The following NPLOC4 variants were observed in gnomAD, a reference collection of about 807,000 sequenced individuals.
NPLOC4 encodes nuclear protein localization protein 4 homolog.
NPLOC4 carries 18 observed loss-of-function variants against 80.6 expected under a neutral mutation model. That is an observed-to-expected ratio of 0.22 (90% CI 0.15 to 0.33). The LOEUF is 0.33. NPLOC4 is among the 10% of genes least tolerant of loss of function. NPLOC4 has a pLI of 1.00. For synonymous variants in NPLOC4, 313 were observed against 301.5 expected (o/e 1.04, Z -0.39); for missense variants, 540 against 786.1 (o/e 0.69, Z 3.74).
At chr17:81,593,430 C>T (rs2034804458) in intron 11 of NPLOC4, among the ~76,000 whole-genome samples, 1 of 152,096 alleles carries the variant, frequency 6.6e-6, no homozygotes, top group Non-Finnish European at 1.5e-5. Context: ...CACACCTAAA[C>T]GTATGACTTT....
chr17:81,631,295 T>C (rs958621067), intron 1 of NPLOC4, among the ~76,000 whole-genome samples: 5 of 151,326 alleles, frequency 3.3e-5, no homozygotes, highest in Non-Finnish European at 5.9e-5. Context: ...CTATAATCTG[T>C]GCACTTCAGG....
chr17:81,597,169 A>G, intron 10 of NPLOC4, 76 bp downstream of exon 10: 1 of 1,006,434 alleles, frequency 9.9e-7, no homozygotes, highest in Non-Finnish European at 1.6e-6. Context: ...CGGTGCAAAG[A>G]GACCCTGATA....
intron 2 of NPLOC4, among the ~76,000 whole-genome samples, chr17:81,627,964 T>C (rs2035838679): frequency 6.7e-6 from 1 of 148,676 alleles, no homozygotes; most frequent in African/African-American, 2.5e-5. Flanking sequence ...TGAATGAAAA[T>C]ATCCTTGGGA....
intron 13 of NPLOC4, among the ~76,000 whole-genome samples, chr17:81,569,332 G>A (rs890500796): frequency 6.6e-6 from 1 of 152,174 alleles, no homozygotes; most frequent in Non-Finnish European, 1.5e-5. Context: ...CACCATATCC[G>A]GGCAGCCTCC....
At chr17:81,565,963 T>C (rs2033999244) in intron 15 of NPLOC4, among the ~76,000 whole-genome samples, 1 of 152,164 alleles carries the variant, frequency 6.6e-6, no homozygotes, top group African/African-American at 2.4e-5. Context: ...TCACATTTCA[T>C]CCCTCTGCCT....
intron 2 of NPLOC4, among the ~76,000 whole-genome samples, chr17:81,626,093 G>A (rs1169660126): frequency 1.5e-4 from 22 of 151,370 alleles, no homozygotes; most frequent in Admixed American, 1.4e-3. Flanking sequence ...AGGTTGCAGT[G>A]GGCAGAGATT....
rs748459163 is a variant in NPLOC4, at chr17:81,567,447, G to A, written c.1536C>T (p.Phe512=). 23 of 1,613,020 alleles carry A rather than the reference G, an allele frequency of 1.4e-5. No individual in the cohort carries two copies. In the South Asian group the frequency reaches 2.5e-4, roughly 18 times the overall value. The change falls in exon 15 of 17, where the codon TTC becomes TTT. Residue 512 remains phenylalanine, a synonymous_variant. Transcript: ENST00000331134. The surrounding 1 kb of genome is among the most constrained non-coding windows in gnomAD (Gnocchi z 4.5). ...DTISDFHLLL[F]LVTNEVMPLQ... Reference sequence around the variant, plus strand: ...GAGGCATAACTTCATTGGTGACCAGGAACAGCAAGAGGTGGAAATCTGAGA... The same window carrying A: ...GAGGCATAACTTCATTGGTGACCAGAAACAGCAAGAGGTGGAAATCTGAGA...
intron 9 of NPLOC4, 40 bp downstream of exon 9, chr17:81,600,301 C>T (rs774689214): frequency 4.7e-6 from 7 of 1,492,510 alleles, no homozygotes; most frequent in Non-Finnish European, 9.2e-7. Context: ...CCAACAGAGC[C>T]TGGCCACGCC....
At chr17:81,597,827 G>A (rs1481790946) in intron 9 of NPLOC4, among the ~76,000 whole-genome samples, 1 of 150,940 alleles carries the variant, frequency 6.6e-6, no homozygotes, top group Non-Finnish European at 1.5e-5. Context: ...CGGGTGTGGT[G>A]GCTCACGCCT....
At chr17:81,635,036 T>C (rs9914232) in intron 1 of NPLOC4, among the ~76,000 whole-genome samples, 1 of 151,928 alleles carries the variant, frequency 6.6e-6, no homozygotes, top group Non-Finnish European at 1.5e-5. Context: ...TATAAAAAAA[T>C]GTTTTTAATT....
intron 1 of NPLOC4, among the ~76,000 whole-genome samples, chr17:81,633,051 AC>A (rs1244257680): frequency 2.7e-5 from 4 of 148,582 alleles, no homozygotes; most frequent in Admixed American, 6.9e-5. Context: ...AATGGCGTGA[AC>A]CCAGGAGGCA....
intron 11 of NPLOC4, among the ~76,000 whole-genome samples, chr17:81,595,571 G>A (rs1317745689): frequency 6.8e-6 from 1 of 146,396 alleles, no homozygotes; most frequent in Non-Finnish European, 1.5e-5. Context: ...TTGAGACAGA[G>A]GCTCACCCTG....
rs571465706 is a variant in NPLOC4 at position 81,561,168 on chromosome 17, T to C, written c.1670-1752A>G. Among the ~76,000 whole-genome samples the C allele has an allele frequency of 9.9e-5, 15 of 152,226 alleles. No individual in the cohort carries two copies. The South Asian group carries it at 2.5e-3, about 25-fold the overall frequency. On this transcript the variant is annotated intron_variant, in intron 16 of 16. Coordinates refer to ENST00000331134, the MANE Select transcript of NPLOC4 (RefSeq NM_017921.4). ...GAGATGGGTTTTCACCATGTTGGCC[T>C]GGCTGTCTCGAACTCCTGACCTCAA...
intron 1 of NPLOC4, among the ~76,000 whole-genome samples, chr17:81,633,175 C>T (rs995739373): frequency 8.6e-5 from 13 of 150,934 alleles, no homozygotes; most frequent in African/African-American, 2.9e-4. Flanking sequence ...ATACTTCTAA[C>T]GTCTAGTATA....
chr17:81,613,042 C>G, intron 4 of NPLOC4: 1 of 314,154 alleles, frequency 3.2e-6, no homozygotes, highest in Non-Finnish European at 5.8e-6. Flanking sequence ...CCCCAACTCC[C>G]CCAATACCTT....
intron 3 of NPLOC4, among the ~76,000 whole-genome samples, chr17:81,617,815 C>T (rs984938363): frequency 6.6e-6 from 1 of 152,312 alleles, no homozygotes; most frequent in East Asian, 1.9e-4. Flanking sequence ...CGCGCCGCCA[C>T]GCCTGACTGG....
rs2034201775 is a variant in NPLOC4 at position 81,572,979 on chromosome 17, G to C, written c.1282-891C>G. ...CTTGTTTTGCTTTGTCAGATGCACAGAACATAAAGTTTAATTATGGGGAAA... is the reference window on the plus strand; with the variant it reads ...CTTGTTTTGCTTTGTCAGATGCACACAACATAAAGTTTAATTATGGGGAAA... On this transcript the variant is annotated intron_variant, in intron 12 of 16. Transcript: ENST00000331134. The surrounding 1 kb of genome is among the most constrained non-coding windows in gnomAD (Gnocchi z 4.5). Among the ~76,000 whole-genome samples, 1 of 152,238 alleles carries C rather than the reference G, an allele frequency of 6.6e-6. No individual in the cohort carries two copies. The highest frequency in any genetic ancestry group is 2.1e-4 in the South Asian group (1 of 4,818).
chr17:81,597,587 C>T (rs1269887710), intron 9 of NPLOC4, among the ~76,000 whole-genome samples: 1 of 151,404 alleles, frequency 6.6e-6, no homozygotes. Flanking sequence ...GAGTTCGAGA[C>T]CAGCCTGACC....
chr17:81,609,829 CA>C (rs2035296479), intron 5 of NPLOC4, among the ~76,000 whole-genome samples: 1 of 152,180 alleles, frequency 6.6e-6, no homozygotes, highest in Admixed American at 6.5e-5. Flanking sequence ...CTCTCAGTCT[CA>C]CCAGGACAAA....
Sources: allele counts gnomAD v4.1 joint callset (sites outside exome capture counted in the v4.1 genomes callset), GRCh38; gene constraint gnomAD v4.1.1; non-coding constraint Gnocchi (gnomAD v3.1); transcripts MANE v1.5; gene names NCBI Gene and HGNC (gene_info 2026-07-23, HGNC 2026-07-21).